The following BLTP3B variants were observed in gnomAD, a reference collection of about 807,000 sequenced individuals.
BLTP3B encodes the protein bridge-like lipid transfer protein family member 3B.
At chr12:100,123,030 G>A in the BLTP3B span, among the ~76,000 whole-genome samples, 202 of 152,162 alleles carry the variant, frequency 1.3e-3, no homozygotes, top group African/African-American at 4.7e-3. Context: ...TGCTCTGCTC[G>A]CTTCATCCAC....
the BLTP3B span, among the ~76,000 whole-genome samples, chr12:100,072,293 A>T: frequency 7.7e-3 from 1,178 of 152,142 alleles, 12 homozygotes; most frequent in African/African-American, 0.027. Context: ...AAACGAAAAA[A>T]CCTCATGATT....
chr12:100,121,270 A>G, the BLTP3B span, among the ~76,000 whole-genome samples: 1 of 151,766 alleles, frequency 6.6e-6, no homozygotes, highest in Non-Finnish European at 1.5e-5. Flanking sequence ...AAATTACTTG[A>G]ACCTGGGAGG....
the BLTP3B span, among the ~76,000 whole-genome samples, chr12:100,120,874 A>G: frequency 6.6e-6 from 1 of 152,194 alleles, no homozygotes; most frequent in East Asian, 1.9e-4. Context: ...TATTTCTAAT[A>G]GCTGACAAAC....
the BLTP3B span, among the ~76,000 whole-genome samples, chr12:100,104,210 T>C: frequency 3.4e-5 from 5 of 148,762 alleles, no homozygotes; most frequent in Non-Finnish European, 6.0e-5. Flanking sequence ...TTTTCTTTTT[T>C]TTTTTTTTTT....
At chr12:100,126,760 C>T in the BLTP3B span, among the ~76,000 whole-genome samples, 18 of 152,256 alleles carry the variant, frequency 1.2e-4, no homozygotes, top group East Asian at 3.5e-3. Context: ...TGAAAATACT[C>T]AGTGTTTAGT....
At chr12:100,058,182 G>A in the BLTP3B span, 3 of 1,613,060 alleles carry the variant, frequency 1.9e-6, no homozygotes, top group Non-Finnish European at 2.5e-6. Context: ...TAAAGTACTT[G>A]AAAGTATGTT....
the BLTP3B span, among the ~76,000 whole-genome samples, chr12:100,141,890 G>T: frequency 2.0e-5 from 3 of 151,402 alleles, no homozygotes; most frequent in Non-Finnish European, 4.4e-5. Context: ...TTAACTCCCT[G>T]AATTTTAGAG....
At chr12:100,126,785 C>T in the BLTP3B span, among the ~76,000 whole-genome samples, 182 of 152,216 alleles carry the variant, frequency 1.2e-3, no homozygotes, top group African/African-American at 4.2e-3. Context: ...ACAACTGATG[C>T]AATAAATAAT....
chr12:100,041,616 T>C, the BLTP3B span, among the ~76,000 whole-genome samples: 2 of 151,976 alleles, frequency 1.3e-5, no homozygotes, highest in Non-Finnish European at 2.9e-5. Flanking sequence ...TTTGCATTTT[T>C]AGTAGAGATG....
chr12:100,059,135 C>T, the BLTP3B span: 8 of 1,613,984 alleles, frequency 5.0e-6, no homozygotes, highest in East Asian at 4.5e-5. Context: ...AACTTATTGG[C>T]CGTCCTTTTC....
chr12:100,100,322 AAAT>A, the BLTP3B span, among the ~76,000 whole-genome samples: 344 of 151,068 alleles, frequency 2.3e-3, no homozygotes, highest in African/African-American at 7.9e-3. Flanking sequence ...AAAAATAAAA[AAAT>A]AATTTTTTAA....
At chr12:100,051,186 T>G in the BLTP3B span, 1 of 1,613,110 alleles carries the variant, frequency 6.2e-7, no homozygotes, top group Admixed American at 1.7e-5. Flanking sequence ...CTTTCTGCTG[T>G]GCCCCTGTAA....
the BLTP3B span, chr12:100,050,220 T>C: frequency 1.2e-6 from 2 of 1,605,240 alleles, no homozygotes; most frequent in African/African-American, 2.7e-5. Context: ...CTAATTGGTC[T>C]GGTGTCACCT....
At chr12:100,080,264 T>A in the BLTP3B span, among the ~76,000 whole-genome samples, 103 of 151,906 alleles carry the variant, frequency 6.8e-4, no homozygotes, top group African/African-American at 2.2e-3. Flanking sequence ...AGACACTCAA[T>A]ACCAGTCCAT....
chr12:100,133,753 G>A, the BLTP3B span, among the ~76,000 whole-genome samples: 7 of 152,188 alleles, frequency 4.6e-5, no homozygotes, highest in South Asian at 2.1e-4. Context: ...ATCAGTATCC[G>A]GTTTTAGTTG....
chr12:100,053,384 G>T, the BLTP3B span, among the ~76,000 whole-genome samples: 1 of 151,896 alleles, frequency 6.6e-6, no homozygotes, highest in Non-Finnish European at 1.5e-5. Context: ...CTCCAACCTG[G>T]GCAACAGAGT....
chr12:100,108,172 T>C, the BLTP3B span, among the ~76,000 whole-genome samples: 1 of 152,210 alleles, frequency 6.6e-6, no homozygotes, highest in Non-Finnish European at 1.5e-5. Flanking sequence ...GGAATCACTT[T>C]ACACAAAAAT....
chr12:100,064,240 A>C, the BLTP3B span, among the ~76,000 whole-genome samples: 1 of 152,196 alleles, frequency 6.6e-6, no homozygotes, highest in Admixed American at 6.5e-5. Context: ...AAGACAAAGA[A>C]AAAAAGAATA....
chr12:100,123,763 A>T, the BLTP3B span, among the ~76,000 whole-genome samples: 9 of 150,402 alleles, frequency 6.0e-5, no homozygotes, highest in East Asian at 2.0e-4. Context: ...TTTTTTTTTT[A>T]AATGCATTCT....
Sources: gnomAD v4.1 joint callset for allele counts (sites outside exome capture counted in the v4.1 genomes callset) on GRCh38, gnomAD v4.1.1 for gene constraint, MANE v1.5 for transcripts, NCBI Gene and HGNC (gene_info 2026-07-23, HGNC 2026-07-21) for gene names.